The following SNX24 variants were observed in gnomAD, a reference collection of about 807,000 sequenced individuals.
SNX24 encodes sorting nexin 24.
A neutral mutation model predicts 28.7 loss-of-function variants in SNX24; 22 were observed. The ratio of observed to expected loss-of-function variants is 0.77; its 90% CI spans 0.55 to 1.10. The LOEUF is 1.10. Ranked by LOEUF, SNX24 falls within the 50% of genes least tolerant of loss-of-function variation. The pLI is 0.00. For synonymous variants in SNX24, 69 were observed against 71.5 expected (o/e 0.96, Z 0.18); for missense variants, 221 against 201.1 (o/e 1.10, Z -0.60).
intron 2 of SNX24, among the ~76,000 whole-genome samples, chr5:122,937,512 G>A (rs546717432): frequency 3.3e-4 from 51 of 152,282 alleles, no homozygotes; most frequent in South Asian, 3.1e-3. Flanking sequence ...TAGATTATAA[G>A]TTATTATTGG....
rs183691119 is a variant in SNX24 at position 122,879,735 on chromosome 5, G to A, written c.60+34042G>A. Among the ~76,000 whole-genome samples the A allele has an allele frequency of 5.5e-4, 83 of 152,284 alleles. No homozygotes were observed. The Middle Eastern group carries it at 0.017, about 31-fold the overall frequency. ...AGGGTCTCACTATGTTGTCCAGGCT[G>A]GTCTTAAACTCCTGGGCTCAAGTGA... is the stretch of plus-strand genomic sequence containing the variant. On this transcript the variant is annotated intron_variant, in intron 1 of 6. Coordinates refer to ENST00000261369, the MANE Select transcript of SNX24 (RefSeq NM_014035.4).
intron 6 of SNX24, among the ~76,000 whole-genome samples, chr5:123,006,485 G>T (rs1314393996): frequency 1.3e-5 from 2 of 152,176 alleles, no homozygotes; most frequent in African/African-American, 4.8e-5. Context: ...CTGATCTTGT[G>T]TCTGCTTTGA....
intron 5 of SNX24, among the ~76,000 whole-genome samples, chr5:123,019,932 T>TAG: frequency 6.6e-6 from 1 of 152,372 alleles, no homozygotes; most frequent in Non-Finnish European, 1.5e-5. Context: ...AGCAGGGGGA[T>TAG]GTCCTTAGCT....
intron 1 of SNX24, among the ~76,000 whole-genome samples, chr5:122,848,356 A>C (rs1426567560): frequency 1.3e-5 from 2 of 152,058 alleles, no homozygotes; most frequent in Non-Finnish European, 2.9e-5. Context: ...TTGACCTCCC[A>C]AAGTGCTGGG....
At chr5:122,870,324 G>A (rs1453540845) in intron 1 of SNX24, among the ~76,000 whole-genome samples, 4 of 152,238 alleles carry the variant, frequency 2.6e-5, no homozygotes, top group South Asian at 2.1e-4. Flanking sequence ...AGGAAGCTCC[G>A]CTGCTTCAAA....
intron 1 of SNX24, among the ~76,000 whole-genome samples, chr5:122,892,022 G>C (rs1561555834): frequency 6.6e-6 from 1 of 152,126 alleles, no homozygotes; most frequent in Non-Finnish European, 1.5e-5. Context: ...CCATGCAGCA[G>C]ACTTATTTCT....
chr5:123,028,850 C>G, intron 5 of SNX24: 1 of 1,611,246 alleles, frequency 6.2e-7, no homozygotes, highest in Non-Finnish European at 8.5e-7. Context: ...AACTTGCTTC[C>G]TTTATATCCA....
At chr5:122,944,229 A>G in intron 2 of SNX24, among the ~76,000 whole-genome samples, 1 of 152,186 alleles carries the variant, frequency 6.6e-6, no homozygotes, top group Non-Finnish European at 1.5e-5. Context: ...TCTGGTGACA[A>G]CATAGCTCCT....
At chr5:122,884,567 A>T (rs1052967164) in intron 1 of SNX24, among the ~76,000 whole-genome samples, 14 of 151,366 alleles carry the variant, frequency 9.2e-5, no homozygotes, top group Admixed American at 2.6e-4. Context: ...TTTATCACAT[A>T]AAAAAAAATG....
At chr5:122,914,377 T>C (rs1758066681) in intron 1 of SNX24, among the ~76,000 whole-genome samples, 1 of 152,202 alleles carries the variant, frequency 6.6e-6, no homozygotes. Flanking sequence ...TGTGTCTCTG[T>C]CAGGCTTTGG....
intron 1 of SNX24, among the ~76,000 whole-genome samples, chr5:122,928,560 C>T (rs1033470463): frequency 5.3e-5 from 8 of 151,814 alleles, no homozygotes; most frequent in African/African-American, 1.7e-4. Flanking sequence ...ATGGAGAAAG[C>T]GGCTCATGAT....
At chr5:122,944,716 A>G (rs1283905735) in intron 2 of SNX24, among the ~76,000 whole-genome samples, 1 of 152,196 alleles carries the variant, frequency 6.6e-6, no homozygotes, top group African/African-American at 2.4e-5. Context: ...TAGCCAGTAC[A>G]TGGGCCCCTT....
intron 1 of SNX24, among the ~76,000 whole-genome samples, chr5:122,867,798 T>A (rs1755787102): frequency 6.6e-6 from 1 of 152,240 alleles, no homozygotes; most frequent in Non-Finnish European, 1.5e-5. Context: ...TGTCATTTAC[T>A]GTTTAGAGAG....
chr5:122,976,702 G>A (rs749969833), intron 3 of SNX24, among the ~76,000 whole-genome samples: 1 of 152,224 alleles, frequency 6.6e-6, no homozygotes, highest in African/African-American at 2.4e-5. Context: ...TGAAGTCCCC[G>A]TGATTGAGCA....
intron 1 of SNX24, chr5:122,891,116 T>TA: frequency 1.3e-6 from 2 of 1,513,912 alleles, no homozygotes; most frequent in South Asian, 2.6e-5. Context: ...ATGGAAGACT[T>TA]ACATATCAGG....
At chr5:122,889,438 G>A (rs1357311664) in intron 1 of SNX24, among the ~76,000 whole-genome samples, 1 of 151,706 alleles carries the variant, frequency 6.6e-6, no homozygotes, top group African/African-American at 2.4e-5. Context: ...CCAACATGAG[G>A]CTCAAAGGAA....
intron 6 of SNX24, among the ~76,000 whole-genome samples, chr5:123,006,451 C>T (rs1762423599): frequency 2.0e-5 from 3 of 152,318 alleles, no homozygotes; most frequent in Middle Eastern, 3.4e-3. Flanking sequence ...ATTGCCCTCT[C>T]GAACTACTGC....
chr5:123,006,691 T>C (rs1270562147), intron 6 of SNX24, among the ~76,000 whole-genome samples: 1 of 152,224 alleles, frequency 6.6e-6, no homozygotes, highest in East Asian at 1.9e-4. Flanking sequence ...CTTTTCTCAC[T>C]ATGTTGGCTT....
intron 1 of SNX24, among the ~76,000 whole-genome samples, chr5:122,907,534 C>T (rs1757692497): frequency 6.6e-6 from 1 of 152,134 alleles, no homozygotes; most frequent in Admixed American, 6.6e-5. Flanking sequence ...TTTGAGAAGT[C>T]ACATGGCAAA....
Sources: allele counts gnomAD v4.1 joint callset (sites outside exome capture counted in the v4.1 genomes callset), GRCh38; gene constraint gnomAD v4.1.1; transcripts MANE v1.5; gene names NCBI Gene and HGNC (gene_info 2026-07-23, HGNC 2026-07-21).